AFF1: variants seen among roughly 807,000 people sequenced by gnomAD.
The protein encoded by AFF1 is AF4/FMR2 family member 1.
In AFF1, 48 loss-of-function variants were observed where a neutral mutation model predicts 121.7. The ratio of observed to expected loss-of-function variants is 0.39; its 90% CI spans 0.31 to 0.50. The LOEUF (loss-of-function observed/expected upper bound fraction) is 0.50, where lower values mean the gene tolerates loss of function less well. Among genes scored for constraint, AFF1 ranks in the 20% least tolerant of loss-of-function variants. The probability of loss-of-function intolerance (pLI) is 0.76; values close to 1 mark genes in which losing one functional copy is unlikely to be tolerated. For synonymous variants in AFF1, 613 were observed against 563.0 expected (o/e 1.09, Z -1.26); for missense variants, 1,523 against 1,511.7 (o/e 1.01, Z -0.12).
At chr4:87,069,440 TCTCCCTATCCTCTTC>T (rs1560595033) in intron 4 of AFF1, among the ~76,000 whole-genome samples, 2 of 144,596 alleles carry the variant, frequency 1.4e-5, no homozygotes, top group African/African-American at 5.2e-5. Flanking sequence ...TCTCCCTCTC[TCTCCCTATCCTCTTC>T]CTCCCTCCCT....
intron 2 of AFF1, among the ~76,000 whole-genome samples, chr4:86,987,859 A>G (rs912410097): frequency 7.9e-5 from 12 of 151,794 alleles, no homozygotes; most frequent in Admixed American, 1.3e-4. Flanking sequence ...AGGCTGAGGT[A>G]GGAGGATCGC....
At chr4:87,038,781 A>AT (rs1729816987) in intron 2 of AFF1, among the ~76,000 whole-genome samples, 1 of 152,156 alleles carries the variant, frequency 6.6e-6, no homozygotes. Flanking sequence ...TGATTTTAGG[A>AT]TTTTCCCTTT....
chr4:87,135,798 C>T lies in AFF1; in HGVS notation c.*97C>T. ...ATTTGTTTCATCAGGACACCAAACTCTAAAAAAGAAGCACCACGAGATGGC... is the reference window on the plus strand; with the variant it reads ...ATTTGTTTCATCAGGACACCAAACTTTAAAAAAGAAGCACCACGAGATGGC... On this transcript the variant is annotated 3_prime_UTR_variant, in exon 21 of 21. Transcript: ENST00000395146. The T allele has an allele frequency of 7.0e-7, 1 of 1,419,902 alleles. No individual in the cohort carries two copies. The highest frequency in any genetic ancestry group is 9.3e-7 in the Non-Finnish European group (1 of 1,076,708). The allele number at this position is 1,419,902 out of a possible 1,614,324, so 88.0% of individuals were successfully genotyped here. A position where few individuals can be genotyped will look rare whatever the true frequency, so the allele number is the denominator to read the frequency against.
In AFF1 at chr4:87,046,543, C is replaced by T. The variant is rs1477411084; in HGVS notation, c.160-152C>T. 6 of 962,672 alleles carry T rather than the reference C, an allele frequency of 6.2e-6. No individual in the cohort carries two copies. In the African/African-American group the frequency reaches 8.3e-5, roughly 13 times the overall value. 59.6% of individuals were successfully genotyped at this position (962,672 alleles called of 1,614,324 possible). A position where few individuals can be genotyped will look rare whatever the true frequency, so the allele number is the denominator to read the frequency against. On this transcript the variant is annotated intron_variant, in intron 3 of 20. Transcript: ENST00000395146. ...TAATATGTATCCATGGTAGTCTTCT[C>T]AACAGGGGAATTGAGTTAAAATGGC...
intron 4 of AFF1, among the ~76,000 whole-genome samples, chr4:87,054,948 A>G (rs950078993): frequency 1.1e-4 from 16 of 152,214 alleles, no homozygotes; most frequent in Admixed American, 3.9e-4. Flanking sequence ...AGAATTTAGG[A>G]AAAAAATCAT....
At chr4:87,113,329 G>A (rs1283937743) in intron 11 of AFF1, among the ~76,000 whole-genome samples, 1 of 151,854 alleles carries the variant, frequency 6.6e-6, no homozygotes, top group Non-Finnish European at 1.5e-5. Context: ...TGTCACCTAA[G>A]CTGGAGTGCA....
intron 4 of AFF1, among the ~76,000 whole-genome samples, chr4:87,055,395 T>C (rs908009808): frequency 2.6e-5 from 4 of 152,248 alleles, no homozygotes; most frequent in African/African-American, 7.2e-5. Flanking sequence ...TTTTACTTTG[T>C]GCATTTCACT....
chr4:86,989,321 TAAAC>T lies in AFF1; in HGVS notation c.38+40754_38+40757del, dbSNP rs147722943. On this transcript the variant is annotated intron_variant, in intron 2 of 20. Coordinates refer to ENST00000395146, the MANE Select transcript of AFF1 (RefSeq NM_001166693.3). ...AGGGCTAATATCCAGAATCTACAAA[TAAAC>T]AAATTTACAAGAAACAAACAACACC... Among the ~76,000 whole-genome samples, 170 of 151,692 alleles carry T rather than the reference TAAAC, an allele frequency of 1.1e-3. 4 individuals carry two copies. In the East Asian group the frequency reaches 0.031, roughly 28 times the overall value.
intron 2 of AFF1, among the ~76,000 whole-genome samples, chr4:86,950,549 A>G (rs1400630831): frequency 1.3e-5 from 2 of 152,386 alleles, no homozygotes; most frequent in Admixed American, 1.3e-4. Flanking sequence ...AAACATTATA[A>G]GAAATGTAGA....
At chr4:86,994,243 G>A (rs1187510422) in intron 2 of AFF1, among the ~76,000 whole-genome samples, 2 of 152,146 alleles carry the variant, frequency 1.3e-5, no homozygotes, top group African/African-American at 2.4e-5. Flanking sequence ...TTGCTAATTC[G>A]ACTTCCTGAT....
chr4:87,076,962 C>T (rs1221605243), intron 4 of AFF1, among the ~76,000 whole-genome samples: 1 of 152,196 alleles, frequency 6.6e-6, no homozygotes. Flanking sequence ...TTTTAGTCTC[C>T]TCCTCTAATC....
chr4:86,953,345 C>A (rs1437474863), intron 2 of AFF1, among the ~76,000 whole-genome samples: 1 of 152,126 alleles, frequency 6.6e-6, no homozygotes, highest in Non-Finnish European at 1.5e-5. Context: ...ACATTAAATT[C>A]ATGTGGAACT....
intron 2 of AFF1, among the ~76,000 whole-genome samples, chr4:87,019,811 G>A (rs977325323): frequency 2.7e-5 from 4 of 149,296 alleles, no homozygotes; most frequent in African/African-American, 9.8e-5. Context: ...AATTGAAACC[G>A]TGGGATCCCA....
intron 4 of AFF1, among the ~76,000 whole-genome samples, chr4:87,057,676 G>A (rs957927727): frequency 6.6e-6 from 1 of 152,176 alleles, no homozygotes; most frequent in Non-Finnish European, 1.5e-5. Context: ...ATTGTTTATT[G>A]AAATGTACTT....
At chr4:87,031,822 G>A (rs893556174) in intron 2 of AFF1, among the ~76,000 whole-genome samples, 1 of 152,164 alleles carries the variant, frequency 6.6e-6, no homozygotes, top group African/African-American at 2.4e-5. Context: ...AAACTTTACA[G>A]CCTTATCAAG....
At chr4:86,956,823 G>T (rs1721776209) in intron 2 of AFF1, among the ~76,000 whole-genome samples, 1 of 152,126 alleles carries the variant, frequency 6.6e-6, no homozygotes, top group Non-Finnish European at 1.5e-5. Context: ...TCAGTTAATG[G>T]ACATTTAGGT....
At chr4:87,062,192 T>C (rs998773023) in intron 4 of AFF1, among the ~76,000 whole-genome samples, 2 of 152,150 alleles carry the variant, frequency 1.3e-5, no homozygotes, top group Admixed American at 6.5e-5. Context: ...TTATAAACAA[T>C]AGACATTTAT....
chr4:86,944,417 A>C (rs1351634303), intron 1 of AFF1, among the ~76,000 whole-genome samples: 2 of 150,534 alleles, frequency 1.3e-5, no homozygotes, highest in Non-Finnish European at 2.9e-5. Context: ...CCCATGCTGG[A>C]GTGCAGTGGC....
At chr4:87,124,922 A>G in intron 12 of AFF1, 115 bp from the exon 13 acceptor site, 1 of 757,076 alleles carries the variant, frequency 1.3e-6, no homozygotes, top group South Asian at 2.4e-5. Flanking sequence ...TGCTGTGCGT[A>G]CAGAGATGTC....
Sources: gnomAD v4.1 joint callset for allele counts (sites outside exome capture counted in the v4.1 genomes callset) on GRCh38, gnomAD v4.1.1 for gene constraint, MANE v1.5 for transcripts, NCBI Gene and HGNC (gene_info 2026-07-23, HGNC 2026-07-21) for gene names.